The following GCN1 variants were observed in gnomAD, a reference collection of about 807,000 sequenced individuals.
GCN1 encodes stalled ribosome sensor GCN1.
In GCN1, 90 loss-of-function variants were observed where a neutral mutation model predicts 288.4. The ratio of observed to expected loss-of-function variants is 0.31; its 90% CI spans 0.26 to 0.37. The LOEUF (loss-of-function observed/expected upper bound fraction) is 0.37, where lower values mean the gene tolerates loss of function less well. Ranked by LOEUF, GCN1 falls within the 10% of genes least tolerant of loss-of-function variation. The pLI is 1.00. For synonymous variants in GCN1, 1,386 were observed against 1,420.2 expected (o/e 0.98, Z 0.54); for missense variants, 2,586 against 3,419.9 (o/e 0.76, Z 6.08).
At chr12:120,160,103 C>T (rs1877878080) in intron 23 of GCN1, 39 bp downstream of exon 23, 1 of 1,593,248 alleles carries the variant, frequency 6.3e-7, no homozygotes, top group Non-Finnish European at 8.6e-7. Context: ...CTGCCCAGCA[C>T]TCTTCCGGCT....
At chr12:120,188,589 G>A (rs1032940437) in intron 2 of GCN1, among the ~76,000 whole-genome samples, 28 of 151,772 alleles carry the variant, frequency 1.8e-4, no homozygotes, top group African/African-American at 4.8e-4. Flanking sequence ...TTGGCTGGGC[G>A]CGGTGGCTCA....
Position 120,158,658 on chromosome 12 carries a change from G to C in GCN1, c.2750-43C>G. On this transcript the variant is annotated intron_variant, in intron 24 of 57. Transcript: ENST00000300648. This position sits in a 1 kb window ranked among gnomAD's most constrained non-coding sequence, Gnocchi z 4.3. Reference sequence around the variant, plus strand: ...GACCCAGCAGGAGATGACACACAGAGATGTGGAATCCAGCCCAGGCTAAAA... The same window carrying C: ...GACCCAGCAGGAGATGACACACAGACATGTGGAATCCAGCCCAGGCTAAAA... 1 of 1,535,922 alleles carries C rather than the reference G, an allele frequency of 6.5e-7. No individual in the cohort carries two copies. Among genetic ancestry groups the C allele is most frequent in the Non-Finnish European group, 8.8e-7 (1 of 1,131,630 alleles).
In GCN1 at chr12:120,147,146, G is replaced by A; in HGVS notation, c.4853C>T (p.Pro1618Leu). The A allele has an allele frequency of 6.2e-7, 1 of 1,612,926 alleles. No homozygotes were observed. The highest frequency in any genetic ancestry group is 8.5e-7 in the Non-Finnish European group (1 of 1,179,240). Residue 1618 changes from proline (P) to leucine (L), a missense_variant, in exon 38 of 58, where the codon CCC (proline) becomes CTC (leucine). This residue lies in a region of GCN1 where 371 missense variants were observed against 572.6 expected (regional missense o/e 0.65). Coordinates refer to ENST00000300648, the MANE Select transcript of GCN1 (RefSeq NM_006836.2). ...GTCCTGGAAGGCTCTCTGGACAATG[G>A]GCATGATGAGGGCCAGGGATGGGGC... is the stretch of plus-strand genomic sequence containing the variant. The part of the protein sequence containing the change: ...IDAPSLALIM[P>L]IVQRAFQDRS...
At chr12:120,141,582 C>T (rs180949924) in intron 44 of GCN1, among the ~76,000 whole-genome samples, 17 of 152,342 alleles carry the variant, frequency 1.1e-4, no homozygotes, top group South Asian at 4.1e-4. Context: ...GATCTCATGC[C>T]GCACTGCTCC....
chr12:120,151,090 G>A (rs202187609), intron 34 of GCN1, 55 bp downstream of exon 34: 13 of 1,585,830 alleles, frequency 8.2e-6, no homozygotes, highest in Non-Finnish European at 1.0e-5. Flanking sequence ...CCTTCCTCTG[G>A]CAACCTGGGG....
chr12:120,146,085 G>A (rs1877351620), intron 38 of GCN1, among the ~76,000 whole-genome samples: 1 of 151,954 alleles, frequency 6.6e-6, no homozygotes, highest in African/African-American at 2.4e-5. Context: ...TGGCCAACAT[G>A]GTTTCACCCT....
At position 120,155,689 on chromosome 12, in the gene GCN1, C is replaced by T. The variant is rs1327955106; in HGVS notation, c.3343G>A (p.Ala1115Thr). 1.2e-6 allele frequency: 2 copies of T among 1,613,842 alleles called. No individual in the cohort carries two copies. Among genetic ancestry groups the T allele is most frequent in the African/African-American group, 2.7e-5 (2 of 74,900 alleles). ...CCATTCTTCTCATCAGTATCAGGTG[C>T]TGGCAATACCATGTGGAGTTCCATC... Reference protein sequence around the residue: ...GLMELHMVLPAPDTDEKNGLN... With the variant: ...GLMELHMVLPTPDTDEKNGLN... The change falls in exon 29 of 58, where the codon GCA becomes ACA. Residue 1115 changes from alanine to threonine, a missense_variant. Around this residue, in one of 8 missense-constraint regions of GCN1, gnomAD observed 332 missense variants for 403.0 expected, o/e 0.82. Transcript: ENST00000300648. The surrounding 1 kb of genome is among the most constrained non-coding windows in gnomAD (Gnocchi z 4.9).
In GCN1 at chr12:120,184,903, A is replaced by G; in HGVS notation, c.122-16T>C. The G allele has an allele frequency of 6.3e-7, 1 of 1,582,710 alleles. No homozygotes were observed. Among genetic ancestry groups the G allele is most frequent in the South Asian group, 1.1e-5 (1 of 90,432 alleles). On this transcript the variant is annotated splice_polypyrimidine_tract_variant and intron_variant, in intron 2 of 57. Coordinates refer to ENST00000300648, the MANE Select transcript of GCN1 (RefSeq NM_006836.2). ...TCTGGAAGATCTGAAACCAGAGATT[A>G]CACAGACAGCGGTCAATAAAAATCA...
Position 120,150,675 on chromosome 12 carries a change from T to G in GCN1, c.4309+470A>C, listed in dbSNP as rs187818258. 6.3e-3 allele frequency among the ~76,000 whole-genome samples: 945 copies of G among 151,120 alleles called. 8 individuals are homozygous for G. The highest frequency in any genetic ancestry group is 0.022 in the African/African-American group (906 of 41,174). On this transcript the variant is annotated intron_variant, in intron 34 of 57. Transcript: ENST00000300648. Reference sequence around the variant, plus strand: ...ATTTGTGGCCGGGCGCGGTGGTTCATGCCTGTAATCCCAGCACTTTGGGAG... The same window carrying G: ...ATTTGTGGCCGGGCGCGGTGGTTCAGGCCTGTAATCCCAGCACTTTGGGAG...
In GCN1 at chr12:120,176,013, T is replaced by A. The variant is rs16949982; in HGVS notation, c.913+130A>T. On this transcript the variant is annotated intron_variant, in intron 10 of 57. Transcript: ENST00000300648. ...ATAATCTCAAGAAAGAAACTGCCAA[T>A]GCCAATGTAGTTTAGGTTAGGGCCT... is the stretch of plus-strand genomic sequence containing the variant. 1.8e-5 allele frequency: 23 copies of A among 1,304,210 alleles called. No homozygotes were observed. The African/African-American group carries it at 3.4e-4, about 19-fold the overall frequency. 80.8% of individuals were successfully genotyped at this position (1,304,210 alleles called of 1,614,324 possible).
At position 120,170,160 on chromosome 12, in the gene GCN1, G is replaced by T. The variant is rs1379634510; in HGVS notation, c.1519+9C>A. On this transcript the variant is annotated intron_variant, in intron 15 of 57. Coordinates refer to ENST00000300648, the MANE Select transcript of GCN1 (RefSeq NM_006836.2). ...GTCTCTACCATCCTAGACACCTCTGGACTCATACCAGCCTGTGAGTCAGCC... is the reference window on the plus strand; with the variant it reads ...GTCTCTACCATCCTAGACACCTCTGTACTCATACCAGCCTGTGAGTCAGCC... 1 of 1,613,008 alleles carries T rather than the reference G, an allele frequency of 6.2e-7. No homozygotes were observed. Among genetic ancestry groups the T allele is most frequent in the Non-Finnish European group, 8.5e-7 (1 of 1,179,090 alleles).
At position 120,161,534 on chromosome 12, in the gene GCN1, C is replaced by T. The variant is rs1376658163; in HGVS notation, c.2392G>A (p.Ala798Thr). 2 of 1,614,070 alleles carry T rather than the reference C, an allele frequency of 1.2e-6. No homozygotes were observed. The highest frequency in any genetic ancestry group is 1.1e-5 in the South Asian group (1 of 91,082). The change falls in exon 22 of 58, where the codon GCT (alanine) becomes ACT (threonine). Residue 798 changes from alanine to threonine, a missense_variant. Transcript: ENST00000300648. ...ATGATCTGCTCTTTGAAGGAATAAG[C>T]TTTGTTCTCTCGCTTCATGTTGGCC... is the stretch of plus-strand genomic sequence containing the variant. ...KKANMKRENK[A>T]YSFKEQIIEL...
chr12:120,138,144 C>G (rs994993941), intron 47 of GCN1, 100 bp from the exon 48 acceptor site: 1 of 1,121,092 alleles, frequency 8.9e-7, no homozygotes, highest in African/African-American at 1.5e-5. Context: ...GCCCACTGCT[C>G]AGAGCCAAGC....
chr12:120,179,077 C>T, intron 5 of GCN1, 127 bp from the exon 6 acceptor site: 1 of 709,658 alleles, frequency 1.4e-6, no homozygotes, highest in Non-Finnish European at 2.4e-6. Context: ...CAGCCTCTCC[C>T]ACTCAACTCC....
At position 120,144,865 on chromosome 12, in the gene GCN1, G is replaced by A. The variant is rs774277796; in HGVS notation, c.5156-30C>T. On this transcript the variant is annotated intron_variant, in intron 40 of 57. Coordinates refer to ENST00000300648, the MANE Select transcript of GCN1 (RefSeq NM_006836.2). This position sits in a 1 kb window ranked among gnomAD's most constrained non-coding sequence, Gnocchi z 4.7. ...AACAAAGGACAGAATGAGTCCACTG[G>A]ATCTGAGGGCCCCTTAGAGCATTCC... 7 of 1,613,874 alleles carry A rather than the reference G, an allele frequency of 4.3e-6. No homozygotes were observed.
Position 120,127,681 on chromosome 12 carries a change from T to C in GCN1, c.*168A>G. 1.3e-6 allele frequency: 1 copy of C among 769,386 alleles called. No individual in the cohort carries two copies. Among genetic ancestry groups the C allele is most frequent in the Non-Finnish European group, 2.1e-6 (1 of 474,014 alleles). 47.7% of individuals were successfully genotyped at this position (769,386 alleles called of 1,614,324 possible). On this transcript the variant is annotated 3_prime_UTR_variant, in exon 58 of 58. Transcript: ENST00000300648. Reference sequence around the variant, plus strand: ...AAGGTGAGAGATGGAGGAGGCAATTTTCAGTTGTGTGTGGGTTTGATTTAA... The same window carrying C: ...AAGGTGAGAGATGGAGGAGGCAATTCTCAGTTGTGTGTGGGTTTGATTTAA...
Position 120,142,709 on chromosome 12 carries a change from G to T in GCN1, c.5627C>A (p.Ala1876Asp), listed in dbSNP as rs1482246015. The change falls in exon 44 of 58, where the codon GCC (alanine) becomes GAC (aspartate). Residue 1876 changes from alanine (A) to aspartate (D), a missense_variant. Physicochemically the swap from Ala to Asp is moderately radical, Grantham distance 126 (BLOSUM62 -2). Coordinates refer to ENST00000300648, the MANE Select transcript of GCN1 (RefSeq NM_006836.2). This position sits in a 1 kb window ranked among gnomAD's most constrained non-coding sequence, Gnocchi z 4.9. ...CCGGTTCCGCCGCTCTACCCCCAGG[G>T]CAGTGATGATCGCCTGCAGCCAGTA... is the stretch of plus-strand genomic sequence containing the variant. ...TAQSNKAIIT[A>D]LGVERRNRVL... The T allele has an allele frequency of 6.2e-7, 1 of 1,614,006 alleles. No homozygotes were observed. Among genetic ancestry groups the T allele is most frequent in the East Asian group, 2.2e-5 (1 of 44,902 alleles).
In GCN1 at chr12:120,142,523, C is replaced by A; in HGVS notation, c.5813G>T (p.Cys1938Phe). The change falls in exon 44 of 58, where the codon TGT becomes TTT. Residue 1938 changes from cysteine to phenylalanine, a missense_variant. By Grantham distance (205) the Cys-to-Phe change is radical. This residue lies in a region of GCN1 where 437 missense variants were observed against 570.5 expected (regional missense o/e 0.77). Transcript: ENST00000300648. This position sits in a 1 kb window ranked among gnomAD's most constrained non-coding sequence, Gnocchi z 4.9. ...GAAACTCACCGTTCTCTTATCTGCA[C>A]ACGTGCTGGCCAGGAAACCCAGCAG... ...GLLLGFLAST[C>F]ADKRTIAART... is the part of the protein sequence containing the mutation. 1 of 1,613,810 alleles carries A rather than the reference C, an allele frequency of 6.2e-7. No homozygotes were observed. Among genetic ancestry groups the A allele is most frequent in the Non-Finnish European group, 8.5e-7 (1 of 1,179,870 alleles).
At chr12:120,192,447 G>C (rs527319847) in intron 1 of GCN1, among the ~76,000 whole-genome samples, 2 of 152,356 alleles carry the variant, frequency 1.3e-5, no homozygotes, top group African/African-American at 2.4e-5. Flanking sequence ...TGAAGACAAG[G>C]CTGGGTGCAG....
Sources: gnomAD v4.1 joint callset for allele counts (sites outside exome capture counted in the v4.1 genomes callset) on GRCh38, gnomAD v4.1.1 for gene constraint, gnomAD v4.1.1 regional missense constraint, Gnocchi (gnomAD v3.1) non-coding constraint, MANE v1.5 for transcripts, NCBI Gene and HGNC (gene_info 2026-07-23, HGNC 2026-07-21) for gene names.